RYK: variants seen among roughly 807,000 people sequenced by gnomAD.
RYK encodes the protein receptor like tyrosine kinase.
RYK carries 21 observed loss-of-function variants against 70.2 expected under a neutral mutation model. The observed-to-expected ratio is 0.30, with a 90% CI of 0.21 to 0.43. The LOEUF is 0.43. RYK is among the 20% of genes least tolerant of loss of function. The pLI, the probability that RYK is intolerant of heterozygous loss-of-function variation, is 1.00. For synonymous variants in RYK, 267 were observed against 278.0 expected (o/e 0.96, Z 0.39); for missense variants, 604 against 753.3 (o/e 0.80, Z 2.32).
At chr3:134,213,798 T>G (rs985114595) in intron 2 of RYK, among the ~76,000 whole-genome samples, 3 of 152,126 alleles carry the variant, frequency 2.0e-5, no homozygotes, top group African/African-American at 7.2e-5. Flanking sequence ...CCCCTCTACT[T>G]TGAAGTTTAT....
At chr3:134,247,189 C>A (rs2015488306) in intron 1 of RYK, among the ~76,000 whole-genome samples, 1 of 151,848 alleles carries the variant, frequency 6.6e-6, no homozygotes, top group Admixed American at 6.6e-5. Flanking sequence ...GCTATTTTTA[C>A]AAAAAAGTTA....
Position 134,157,560 on chromosome 3 carries a change from T to C in RYK, c.*593A>G, listed in dbSNP as rs1214232335. On this transcript the variant is annotated 3_prime_UTR_variant, in exon 15 of 15. Transcript: ENST00000623711. ...CCATGCAAGGGCAGTTTGCTTCTAA[T>C]AAGTATTTTTAAAAAAATTTTTTTT... is the stretch of plus-strand genomic sequence containing the variant. The C allele has an allele frequency of 1.3e-5, 2 of 152,276 alleles. No homozygotes were observed. The highest frequency in any genetic ancestry group is 2.9e-5 in the Non-Finnish European group (2 of 68,040). The allele number at this position is 152,276 out of a possible 1,614,324, so 9.4% of individuals were successfully genotyped here.
chr3:134,211,440 T>C (rs1184791121), intron 3 of RYK, 68 bp downstream of exon 3: 2 of 1,044,794 alleles, frequency 1.9e-6, no homozygotes, highest in African/African-American at 3.2e-5. Context: ...AGTAAACTTC[T>C]GTTTTGGGGC....
chr3:134,229,622 C>T (rs2015004422), intron 1 of RYK, among the ~76,000 whole-genome samples: 1 of 151,572 alleles, frequency 6.6e-6, no homozygotes, highest in African/African-American at 2.4e-5. Context: ...TAGGAGAAAA[C>T]AGTCACATCT....
rs577277523 is a variant in RYK at position 134,191,839 on chromosome 3, T to A, written c.1015+10A>T. 5.7e-6 allele frequency: 9 copies of A among 1,592,626 alleles called. No individual in the cohort carries two copies. The highest frequency in any genetic ancestry group is 7.7e-6 in the Non-Finnish European group (9 of 1,172,132). ...CATACTTAAAAAACCGACTTTGAGA[T>A]AATAAATACCTTCTTGGAGTACATC... On this transcript the variant is annotated intron_variant, in intron 8 of 14. Transcript: ENST00000623711.
intron 1 of RYK, among the ~76,000 whole-genome samples, chr3:134,232,871 T>C (rs900497866): frequency 3.3e-5 from 5 of 152,224 alleles, no homozygotes; most frequent in Non-Finnish European, 7.3e-5. Context: ...ATAGCAGGAA[T>C]AGAATTATAA....
chr3:134,232,746 AGTCT>A (rs1290995813), intron 1 of RYK, among the ~76,000 whole-genome samples: 3 of 152,268 alleles, frequency 2.0e-5, no homozygotes, highest in Non-Finnish European at 4.4e-5. Context: ...TAGCAAATAC[AGTCT>A]GTTATATTGT....
intron 14 of RYK, 70 bp from the exon 15 acceptor site, chr3:134,158,334 T>C (rs2012322727): frequency 3.5e-6 from 3 of 866,568 alleles, no homozygotes; most frequent in African/African-American, 1.7e-5. Flanking sequence ...CTCAGTTTGA[T>C]GCCAGTTATG....
intron 1 of RYK, among the ~76,000 whole-genome samples, chr3:134,235,533 T>A (rs1032226737): frequency 6.6e-6 from 1 of 152,042 alleles, no homozygotes. Flanking sequence ...AATATCATAC[T>A]TTATCTCTCA....
chr3:134,187,775 A>G (rs2013512368), intron 9 of RYK, among the ~76,000 whole-genome samples: 1 of 144,848 alleles, frequency 6.9e-6, no homozygotes, highest in Admixed American at 7.1e-5. Context: ...GCCCAGGCCG[A>G]TCTTGAACTT....
In RYK at chr3:134,225,610, T is replaced by C. The variant is rs572877530; in HGVS notation, c.233-3071A>G. Reference sequence around the variant, plus strand: ...GTGTTACACCTGTAATCCCAGCTCTTTGGGAGGCTGAAACGAGAGGATCCA... The same window carrying C: ...GTGTTACACCTGTAATCCCAGCTCTCTGGGAGGCTGAAACGAGAGGATCCA... On this transcript the variant is annotated intron_variant, in intron 1 of 14. Transcript: ENST00000623711. Among the ~76,000 whole-genome samples, 8 of 152,294 alleles carry C rather than the reference T, an allele frequency of 5.3e-5. No individual in the cohort carries two copies. The South Asian group carries it at 1.2e-3, about 24-fold the overall frequency.
intron 3 of RYK, among the ~76,000 whole-genome samples, chr3:134,210,091 T>C (rs959332599): frequency 6.6e-6 from 1 of 152,182 alleles, no homozygotes; most frequent in Non-Finnish European, 1.5e-5. Flanking sequence ...AGATAATTGT[T>C]TTCAACTTCT....
chr3:134,224,179 T>C (rs1442551894), intron 1 of RYK, among the ~76,000 whole-genome samples: 1 of 151,874 alleles, frequency 6.6e-6, no homozygotes, highest in Non-Finnish European at 1.5e-5. Flanking sequence ...TGGAGACCGG[T>C]AGTGGCCCTG....
chr3:134,217,318 C>T (rs1389364469), intron 2 of RYK, among the ~76,000 whole-genome samples: 2 of 152,162 alleles, frequency 1.3e-5, no homozygotes, highest in Non-Finnish European at 2.9e-5. Flanking sequence ...TTCATGATTA[C>T]ACCTCAGGGT....
chr3:134,195,783 C>T (rs1409809337), intron 6 of RYK, among the ~76,000 whole-genome samples: 1 of 152,076 alleles, frequency 6.6e-6, no homozygotes, highest in East Asian at 1.9e-4. Flanking sequence ...CCTGTCTCTA[C>T]TAAAAGTACA....
At chr3:134,226,064 T>C (rs1318941070) in intron 1 of RYK, among the ~76,000 whole-genome samples, 4 of 152,038 alleles carry the variant, frequency 2.6e-5, no homozygotes, top group Non-Finnish European at 5.9e-5. Context: ...AAATACCATA[T>C]GATAAAGATA....
intron 5 of RYK, among the ~76,000 whole-genome samples, chr3:134,204,591 C>CCCCACACACA (rs747599504): frequency 7.1e-6 from 1 of 140,694 alleles, no homozygotes; most frequent in Non-Finnish European, 1.5e-5. Context: ...ACAGCCACAG[C>CCCCACACACA]CACACACACA....
At chr3:134,196,532 G>A (rs2013815551) in intron 6 of RYK, among the ~76,000 whole-genome samples, 1 of 151,406 alleles carries the variant, frequency 6.6e-6, no homozygotes. Flanking sequence ...TTTAGTCCAG[G>A]AGTTTGACGC....
intron 10 of RYK, among the ~76,000 whole-genome samples, chr3:134,182,666 A>G (rs941674329): frequency 4.6e-5 from 7 of 152,296 alleles, no homozygotes; most frequent in South Asian, 2.1e-4. Flanking sequence ...CAAAAATCTC[A>G]TAACAAATAT....
Sources: allele counts gnomAD v4.1 joint callset (sites outside exome capture counted in the v4.1 genomes callset), GRCh38; gene constraint gnomAD v4.1.1; transcripts MANE v1.5; gene names NCBI Gene and HGNC (gene_info 2026-07-23, HGNC 2026-07-21).